Variants in NBAS observed in about 807,000 individuals in gnomAD.
The protein encoded by NBAS is NBAS subunit of NRZ tethering complex.
Under a neutral mutation model 302.5 loss-of-function variants are expected in NBAS, and 219 were observed. The ratio of observed to expected loss-of-function variants is 0.72; its 90% confidence interval spans 0.65 to 0.81. The LOEUF is 0.81. NBAS is among the 30% of genes least tolerant of loss of function. The pLI is 0.00. For missense variants in NBAS, 2,932 were observed against 2,841.6 expected (o/e 1.03, Z -0.72); for synonymous variants, 1,118 against 1,021.6 (o/e 1.09, Z -1.80).
At chr2:15,298,983 C>T (rs1265455055) in intron 40 of NBAS, among the ~76,000 whole-genome samples, 5 of 152,166 alleles carry the variant, frequency 3.3e-5, no homozygotes, top group Non-Finnish European at 2.9e-5. Flanking sequence ...AGTTGCTCTA[C>T]ATCCAGCTTC....
the NBAS span, among the ~76,000 whole-genome samples, chr2:14,895,474 C>T: frequency 3.3e-5 from 5 of 152,212 alleles, no homozygotes. Context: ...CACTGTGGCT[C>T]ACGCCTGTAA....
At chr2:14,911,673 C>G in the NBAS span, among the ~76,000 whole-genome samples, 2 of 152,202 alleles carry the variant, frequency 1.3e-5, no homozygotes, top group African/African-American at 4.8e-5. Flanking sequence ...AAAATCCCAA[C>G]AGTTAACACT....
the NBAS span, among the ~76,000 whole-genome samples, chr2:14,797,094 CAAA>C: frequency 0.064 from 5,858 of 91,132 alleles, 450 homozygotes; most frequent in African/African-American, 0.21. Context: ...GACTCCGTCT[CAAA>C]AAAAAAAAAA....
In NBAS at chr2:15,212,047, T is replaced by C. The variant is rs139828261; in HGVS notation, c.6432+6726A>G. ...GCAGCACCACTTCCTCCTTGTAACTTAGGCAAAAATCAGAGGCAAAATAAG... is the reference window on the plus strand; with the variant it reads ...GCAGCACCACTTCCTCCTTGTAACTCAGGCAAAAATCAGAGGCAAAATAAG... On this transcript the variant is annotated intron_variant, in intron 48 of 51. Transcript: ENST00000281513. 3.5e-3 allele frequency among the ~76,000 whole-genome samples: 526 copies of C among 152,308 alleles called. 5 individuals carry two copies. The highest frequency in any genetic ancestry group is 0.012 in the African/African-American group (493 of 41,578).
the NBAS span, among the ~76,000 whole-genome samples, chr2:15,025,911 A>T: frequency 6.6e-6 from 1 of 152,184 alleles, no homozygotes; most frequent in African/African-American, 2.4e-5. Context: ...ATCTGCAAAC[A>T]GAGATAGTTT....
the NBAS span, among the ~76,000 whole-genome samples, chr2:14,976,044 A>T: frequency 6.6e-6 from 1 of 152,244 alleles, no homozygotes; most frequent in East Asian, 1.9e-4. Context: ...AACAATAAAC[A>T]GCACTACACT....
chr2:15,156,594 C>T, the NBAS span, among the ~76,000 whole-genome samples: 3 of 152,168 alleles, frequency 2.0e-5, no homozygotes, highest in African/African-American at 4.8e-5. Context: ...CTCTTTTATA[C>T]GGGCATGAAT....
At chr2:14,788,560 G>A in the NBAS span, among the ~76,000 whole-genome samples, 10 of 152,120 alleles carry the variant, frequency 6.6e-5, no homozygotes, top group Non-Finnish European at 1.2e-4. Context: ...TCAGCTGCAG[G>A]TCTGTTGGAG....
chr2:15,465,948 A>G (rs1436065441), intron 19 of NBAS, among the ~76,000 whole-genome samples: 1 of 152,346 alleles, frequency 6.6e-6, no homozygotes, highest in Non-Finnish European at 1.5e-5. Flanking sequence ...GCAATATATT[A>G]CCTCAAAACA....
At chr2:15,002,295 C>T in the NBAS span, among the ~76,000 whole-genome samples, 1 of 152,118 alleles carries the variant, frequency 6.6e-6, no homozygotes. Flanking sequence ...TTCTCCAAGG[C>T]CCCACCAGAG....
the NBAS span, among the ~76,000 whole-genome samples, chr2:15,117,953 C>A: frequency 6.6e-6 from 1 of 152,222 alleles, no homozygotes; most frequent in Non-Finnish European, 1.5e-5. Flanking sequence ...ACGCAGAAAG[C>A]CTAAGCAGCT....
the NBAS span, among the ~76,000 whole-genome samples, chr2:15,108,356 A>G: frequency 6.6e-6 from 1 of 152,076 alleles, no homozygotes; most frequent in Non-Finnish European, 1.5e-5. Flanking sequence ...AGGGTAAATG[A>G]CTTATCTAAG....
the NBAS span, among the ~76,000 whole-genome samples, chr2:14,816,324 T>C: frequency 4.6e-5 from 7 of 152,188 alleles, no homozygotes; most frequent in East Asian, 1.9e-4. Flanking sequence ...ATGAACCCTA[T>C]TGTGAACTAT....
intron 2 of NBAS, among the ~76,000 whole-genome samples, chr2:15,557,840 C>A (rs1227300269): frequency 1.3e-5 from 2 of 152,166 alleles, no homozygotes; most frequent in Admixed American, 6.5e-5. Flanking sequence ...GGCACCAGCT[C>A]AGTAAACCTA....
chr2:15,364,783 A>T (rs1674115695), intron 32 of NBAS, among the ~76,000 whole-genome samples: 1 of 152,066 alleles, frequency 6.6e-6, no homozygotes, highest in Admixed American at 6.5e-5. Context: ...CCTAGCCACG[A>T]TCTGATGAAA....
chr2:15,125,704 T>G, the NBAS span, among the ~76,000 whole-genome samples: 1 of 152,244 alleles, frequency 6.6e-6, no homozygotes, highest in Admixed American at 6.5e-5. Context: ...TGTTAACTTT[T>G]TCTTTGGGCC....
chr2:14,973,924 T>C, the NBAS span, among the ~76,000 whole-genome samples: 126 of 152,310 alleles, frequency 8.3e-4, no homozygotes, highest in African/African-American at 2.8e-3. Context: ...TTTGTCTCCA[T>C]AACCCCCTCT....
At chr2:15,090,235 T>A in the NBAS span, among the ~76,000 whole-genome samples, 1 of 152,218 alleles carries the variant, frequency 6.6e-6, no homozygotes, top group Non-Finnish European at 1.5e-5. Flanking sequence ...TGAGAGTCAC[T>A]CATTTCAGCT....
intron 47 of NBAS, 79 bp downstream of exon 47, chr2:15,232,343 T>C (rs1337240786): frequency 7.4e-7 from 1 of 1,359,906 alleles, no homozygotes; most frequent in African/African-American, 1.4e-5. Context: ...GGAAGCCTCA[T>C]ACATACGGAT....
Sources: gnomAD v4.1 joint callset for allele counts (sites outside exome capture counted in the v4.1 genomes callset) on GRCh38, gnomAD v4.1.1 for gene constraint, MANE v1.5 for transcripts, NCBI Gene and HGNC (gene_info 2026-07-23, HGNC 2026-07-21) for gene names.